The following TAOK1 variants were observed in gnomAD, a reference collection of about 807,000 sequenced individuals.
The protein encoded by TAOK1 is serine/threonine-protein kinase TAO1.
Under a neutral mutation model 138.3 loss-of-function variants are expected in TAOK1, and 21 were observed. That is an observed-to-expected ratio of 0.15 (90% CI 0.11 to 0.22). TAOK1 has a LOEUF of 0.22. Among genes scored for constraint, TAOK1 ranks in the 10% least tolerant of loss-of-function variants. The probability of loss-of-function intolerance (pLI) is 1.00; values close to 1 mark genes in which losing one functional copy is unlikely to be tolerated. For missense variants in TAOK1, 651 were observed against 1,227.7 expected (o/e 0.53, Z 7.02); for synonymous variants, 361 against 398.4 (o/e 0.91, Z 1.12).
intron 1 of TAOK1, among the ~76,000 whole-genome samples, chr17:29,446,027 A>G (rs186585290): frequency 6.6e-6 from 1 of 152,234 alleles, no homozygotes; most frequent in East Asian, 1.9e-4. Context: ...TGTCCATTTC[A>G]TCTGTGTTGT....
chr17:29,491,359 A>G (rs2031292059), intron 9 of TAOK1, among the ~76,000 whole-genome samples: 2 of 152,188 alleles, frequency 1.3e-5, no homozygotes, highest in African/African-American at 2.4e-5. Flanking sequence ...CAGAGCAGAT[A>G]GAGTGATATT....
intron 15 of TAOK1, chr17:29,511,550 T>C (rs966375703): frequency 6.6e-6 from 1 of 151,672 alleles, no homozygotes; most frequent in Non-Finnish European, 1.5e-5. Flanking sequence ...GTTTTTATTT[T>C]TTGTGTGTAT....
chr17:29,472,540 A>G (rs915574230), intron 3 of TAOK1, among the ~76,000 whole-genome samples: 1 of 146,736 alleles, frequency 6.8e-6, no homozygotes, highest in Non-Finnish European at 1.5e-5. Context: ...GGCGTGAACC[A>G]CCATGCCCAG....
intron 19 of TAOK1, among the ~76,000 whole-genome samples, chr17:29,538,007 G>T (rs895590024): frequency 6.6e-6 from 1 of 151,654 alleles, no homozygotes; most frequent in East Asian, 1.9e-4. Context: ...AGCTACTTGG[G>T]AGGCTGAGGC....
chr17:29,523,430 C>G lies in TAOK1; in HGVS notation c.2148+911C>G, dbSNP rs1364062899. 2.0e-5 allele frequency among the ~76,000 whole-genome samples: 3 copies of G among 152,164 alleles called. No homozygotes were observed. The East Asian group carries it at 5.8e-4, about 29-fold the overall frequency. On this transcript the variant is annotated intron_variant, in intron 17 of 19. Coordinates refer to ENST00000261716, the MANE Select transcript of TAOK1 (RefSeq NM_020791.4). The stretch of plus-strand genomic sequence containing the variant: ...TGAGACAGAGTCTCGCTCTTTCGCC[C>G]AGGCTGGAGTGCAGCGGCATGATCT...
At chr17:29,498,561 T>TA in intron 12 of TAOK1, 40 bp downstream of exon 12, 4 of 1,598,176 alleles carry the variant, frequency 2.5e-6, no homozygotes, top group Non-Finnish European at 3.4e-6. Context: ...TCAATGTTGG[T>TA]AAACTGTTTT....
intron 1 of TAOK1, among the ~76,000 whole-genome samples, chr17:29,410,386 G>T (rs1451902086): frequency 1.3e-5 from 2 of 151,714 alleles, no homozygotes; most frequent in Middle Eastern, 6.4e-3. Flanking sequence ...GAGTAGCTGG[G>T]ATTACAGGCA....
At chr17:29,518,608 A>T (rs538128740) in intron 16 of TAOK1, among the ~76,000 whole-genome samples, 1 of 152,318 alleles carries the variant, frequency 6.6e-6, no homozygotes, top group Non-Finnish European at 1.5e-5. Flanking sequence ...TGACTCCCTC[A>T]CTACAATGGA....
chr17:29,461,750 ATT>A (rs34869792), intron 2 of TAOK1, among the ~76,000 whole-genome samples: 10 of 147,240 alleles, frequency 6.8e-5, no homozygotes, highest in Non-Finnish European at 1.1e-4. Context: ...AGAGAGCGAA[ATT>A]TTTTTTTTTT....
chr17:29,430,282 A>G (rs73274687), intron 1 of TAOK1, among the ~76,000 whole-genome samples: 5 of 152,124 alleles, frequency 3.3e-5, no homozygotes, highest in African/African-American at 1.2e-4. Flanking sequence ...CTTGGGTTCA[A>G]ATACCCCCTA....
chr17:29,398,549 G>C (rs936178336), intron 1 of TAOK1, among the ~76,000 whole-genome samples: 5 of 150,256 alleles, frequency 3.3e-5, no homozygotes, highest in African/African-American at 1.2e-4. Context: ...CTTTTTTAGA[G>C]ATGGAGTTTT....
At position 29,537,290 on chromosome 17, in the gene TAOK1, C is replaced by T. The variant is rs141563304; in HGVS notation, c.2544+2990C>T. ...ACTCATTGGTGAAGGTACAGTGACA[C>T]TTTTATACAGTGTTAATACATCTTG... is the stretch of plus-strand genomic sequence containing the variant. On this transcript the variant is annotated intron_variant, in intron 19 of 19. Coordinates refer to ENST00000261716, the MANE Select transcript of TAOK1 (RefSeq NM_020791.4). Among the ~76,000 whole-genome samples, 28 of 152,196 alleles carry T rather than the reference C, an allele frequency of 1.8e-4. 1 individual carries two copies. Among genetic ancestry groups the T allele is most frequent in the Admixed American group, 1.7e-3 (26 of 15,266 alleles).
intron 11 of TAOK1, among the ~76,000 whole-genome samples, chr17:29,497,249 T>C (rs1178071990): frequency 6.6e-6 from 1 of 152,180 alleles, no homozygotes; most frequent in Non-Finnish European, 1.5e-5. Context: ...TTTTCTCTTT[T>C]TAATGTCACT....
chr17:29,428,164 G>A (rs1905705826), intron 1 of TAOK1, among the ~76,000 whole-genome samples: 1 of 152,116 alleles, frequency 6.6e-6, no homozygotes, highest in South Asian at 2.1e-4. Context: ...TCCTAGAGGG[G>A]AATACCTAGG....
intron 13 of TAOK1, among the ~76,000 whole-genome samples, chr17:29,503,645 C>T (rs2031573840): frequency 6.6e-6 from 1 of 152,056 alleles, no homozygotes; most frequent in Admixed American, 6.6e-5. Flanking sequence ...AACGAAATTA[C>T]ATTAAGATAC....
chr17:29,504,774 A>G (rs142558483), intron 13 of TAOK1, among the ~76,000 whole-genome samples: 1 of 152,372 alleles, frequency 6.6e-6, no homozygotes, highest in East Asian at 1.9e-4. Flanking sequence ...TGTAAATCCT[A>G]TGCTGTAGTT....
intron 1 of TAOK1, among the ~76,000 whole-genome samples, chr17:29,408,198 T>C (rs1400651039): frequency 6.6e-6 from 1 of 151,286 alleles, no homozygotes; most frequent in East Asian, 1.9e-4. Context: ...ATTACAGGTG[T>C]GTGCCACTGC....
chr17:29,443,358 G>A (rs2029995273), intron 1 of TAOK1, among the ~76,000 whole-genome samples: 1 of 152,118 alleles, frequency 6.6e-6, no homozygotes, highest in African/African-American at 2.4e-5. Flanking sequence ...TGATGTTATT[G>A]TCTATTATTT....
At chr17:29,502,889 G>A (rs1370731477) in intron 13 of TAOK1, among the ~76,000 whole-genome samples, 166 bp downstream of exon 13, 1 of 152,104 alleles carries the variant, frequency 6.6e-6, no homozygotes, top group Non-Finnish European at 1.5e-5. Flanking sequence ...AAAGAACTCT[G>A]AGAAATGTTA....
Sources: allele counts gnomAD v4.1 joint callset (sites outside exome capture counted in the v4.1 genomes callset), GRCh38; gene constraint gnomAD v4.1.1; transcripts MANE v1.5; gene names NCBI Gene and HGNC (gene_info 2026-07-23, HGNC 2026-07-21).